EPS8L1: variants seen among roughly 807,000 people sequenced by gnomAD.
EPS8L1 encodes epidermal growth factor receptor kinase substrate 8-like protein 1.
A neutral mutation model predicts 91.7 loss-of-function variants in EPS8L1; 101 were observed. The observed-to-expected ratio is 1.10, with a 90% CI of 0.94 to 1.30. The LOEUF (loss-of-function observed/expected upper bound fraction) is 1.30. Ranked by LOEUF, EPS8L1 falls within the 50% of genes most tolerant of loss-of-function variation. EPS8L1 has a pLI of 0.00. For synonymous variants in EPS8L1, 506 were observed against 445.3 expected (o/e 1.14, Z -1.72); for missense variants, 1,114 against 1,017.0 (o/e 1.10, Z -1.30).
At position 55,081,279 on chromosome 19, in the gene EPS8L1, CCCGCCCCTGCAGCG is replaced by C; in HGVS notation, c.568_581del (p.Leu190ValfsTer33). ...GCGACCGCTCGCCCGCCGCTGAGAC[CCCGCCCCTGCAGCG>C]CCGCCCGTCAGTCCGCGCAGTGATC... On this transcript the variant is annotated frameshift_variant, in exon 8 of 20. Coordinates refer to ENST00000201647, the MANE Select transcript of EPS8L1 (RefSeq NM_133180.3). LOFTEE classifies it high-confidence loss of function. This position sits in a 1 kb window ranked among gnomAD's most constrained non-coding sequence, Gnocchi z 4.9. 1 of 1,542,456 alleles carries C rather than the reference CCCGCCCCTGCAGCG, an allele frequency of 6.5e-7. No individual in the cohort carries two copies. Among genetic ancestry groups the C allele is most frequent in the Non-Finnish European group, 8.7e-7 (1 of 1,152,972 alleles).
In EPS8L1 at chr19:55,087,331, G is replaced by C. The variant is rs577392527; in HGVS notation, c.1981G>C (p.Gly661Arg). Reference sequence around the variant, plus strand: ...CGTGGACGCGCTGGGTGTGCTGACCGGGGCGCAGCTTTTCTCGCTGCAGAA... The same window carrying C: ...CGTGGACGCGCTGGGTGTGCTGACCCGGGCGCAGCTTTTCTCGCTGCAGAA... The part of the protein sequence containing the change: ...GTVDALGVLT[G>R]AQLFSLQKEE... The change falls in exon 19 of 20, where the codon GGG (glycine) becomes CGG (arginine). Residue 661 changes from glycine to arginine, a missense_variant. Physicochemically the swap from Gly to Arg is moderately radical, Grantham distance 125. Transcript: ENST00000201647. 52 of 1,611,218 alleles carry C rather than the reference G, an allele frequency of 3.2e-5. No individual in the cohort carries two copies. Among genetic ancestry groups the C allele is most frequent in the Non-Finnish European group, 4.4e-5 (52 of 1,179,440 alleles).
intron 19 of EPS8L1, 40 bp downstream of exon 19, chr19:55,087,475 G>A (rs765251506): frequency 2.5e-6 from 4 of 1,614,158 alleles, no homozygotes; most frequent in Admixed American, 1.7e-5. Flanking sequence ...GGTAGGGTTG[G>A]GATGACGAGG....
At chr19:55,077,043 A>G (rs1627029) in intron 2 of EPS8L1, among the ~76,000 whole-genome samples, 93,508 of 152,034 alleles carry the variant, frequency 0.62, 29,518 homozygotes, top group African/African-American at 0.76. Context: ...TGGCAGGAGC[A>G]GGATGAGGAA....
At position 55,087,762 on chromosome 19, in the gene EPS8L1, G is replaced by T; in HGVS notation, c.*148G>T. On this transcript the variant is annotated 3_prime_UTR_variant, in exon 20 of 20. Transcript: ENST00000201647. ...CCCCATCCCGGTGGACAGACTTAAC[G>T]ATCCTTGCTGCAGTCCCTCCGGAGA... 5.0e-6 allele frequency: 4 copies of T among 804,712 alleles called. No individual in the cohort carries two copies. In the South Asian group the frequency reaches 6.5e-5, roughly 13 times the overall value. The allele number at this position is 804,712 out of a possible 1,614,324, so 49.8% of individuals were successfully genotyped here.
At chr19:55,077,981 A>G (rs2076165570) in intron 2 of EPS8L1, 107 bp from the exon 3 acceptor site, 1 of 641,028 alleles carries the variant, frequency 1.6e-6, no homozygotes, top group Non-Finnish European at 2.6e-6. Flanking sequence ...TAACCCTTCC[A>G]TCGCTCCCCA....
chr19:55,086,958 G>A (rs2076359471), intron 18 of EPS8L1, 70 bp downstream of exon 18: 2 of 1,396,780 alleles, frequency 1.4e-6, no homozygotes, highest in South Asian at 1.6e-5. Context: ...CCGATCGGCC[G>A]GGAGTCGGGG....
chr19:55,086,048 T>C lies in EPS8L1; in HGVS notation c.1519-13T>C, dbSNP rs2076348853. 1.3e-6 allele frequency: 2 copies of C among 1,595,730 alleles called. No homozygotes were observed. The highest frequency in any genetic ancestry group is 1.7e-6 in the Non-Finnish European group (2 of 1,167,712). On this transcript the variant is annotated splice_polypyrimidine_tract_variant and intron_variant, in intron 15 of 19. Transcript: ENST00000201647. The stretch of plus-strand genomic sequence containing the variant: ...AGACAGGCTCTGAACCCTCTGTTCT[T>C]TACCACACCCAGGTCCTGGATGACA...
rs560934499 is a variant in EPS8L1 at position 55,082,313 on chromosome 19, G to A, written c.1029G>A (p.Pro343=). 34 of 1,612,486 alleles carry A rather than the reference G, an allele frequency of 2.1e-5. No homozygotes were observed. Among genetic ancestry groups the A allele is most frequent in the South Asian group, 1.2e-4 (11 of 91,068 alleles). ...LRGNIADPSS[P]ELLHFLFGPL... ...GCAACATCGCCGACCCCTCCTCTCCGGAGCTGTTGCACTTCCTTTTCGGGC... is the reference window on the plus strand; with the variant it reads ...GCAACATCGCCGACCCCTCCTCTCCAGAGCTGTTGCACTTCCTTTTCGGGC... The change falls in exon 11 of 20, where the codon CCG becomes CCA. Residue 343 remains proline (P), a synonymous_variant. Transcript: ENST00000201647.
At chr19:55,078,222 G>A in intron 3 of EPS8L1, 94 bp downstream of exon 3, 2 of 1,078,672 alleles carry the variant, frequency 1.9e-6, no homozygotes, top group African/African-American at 1.6e-5. Flanking sequence ...GGGGCTGGGG[G>A]TCTGGACTCC....
At chr19:55,079,459 C>T (rs2076206620) in intron 4 of EPS8L1, 4 of 601,942 alleles carry the variant, frequency 6.6e-6, no homozygotes, top group Middle Eastern at 4.3e-4. Context: ...TCCTTCCCTG[C>T]CCGCAAGGAG....
rs60399131 is a variant in EPS8L1 at position 55,082,405 on chromosome 19, C to T, written c.1066-49C>T. The T allele has an allele frequency of 6.5e-5, 105 of 1,612,228 alleles. No homozygotes were observed. The African/African-American group carries it at 1.3e-3, about 21-fold the overall frequency. On this transcript the variant is annotated intron_variant, in intron 11 of 19. Transcript: ENST00000201647. ...CTGCAGCGGGAGGAATCGGGTTCGA[C>T]TTGTAGAAGGTGTGGCGGCACAGCC... is the stretch of plus-strand genomic sequence containing the variant.
In EPS8L1 at chr19:55,081,671, T is replaced by C; in HGVS notation, c.775-102T>C. On this transcript the variant is annotated intron_variant, in intron 8 of 19. Coordinates refer to ENST00000201647, the MANE Select transcript of EPS8L1 (RefSeq NM_133180.3). This position sits in a 1 kb window ranked among gnomAD's most constrained non-coding sequence, Gnocchi z 4.9. ...GGGGCGTGGCCAGGTGTTTGGGGCG[T>C]GGCCTGATCTGGGGAAGTGTATAGG... is the stretch of plus-strand genomic sequence containing the variant. 6.7e-7 allele frequency: 1 copy of C among 1,498,752 alleles called. No individual in the cohort carries two copies. Among genetic ancestry groups the C allele is most frequent in the Non-Finnish European group, 8.9e-7 (1 of 1,120,848 alleles). The allele number at this position is 1,498,752 out of a possible 1,614,324, so 92.8% of individuals were successfully genotyped here.
chr19:55,081,951 T>C lies in EPS8L1; in HGVS notation c.901+52T>C. 2 of 1,580,214 alleles carry C rather than the reference T, an allele frequency of 1.3e-6. No homozygotes were observed. The highest frequency in any genetic ancestry group is 1.1e-5 in the South Asian group (1 of 88,018). ...GAACCCCCTCCCGATCTCTTCCAAA[T>C]GTCCCCGCTCTCCCCAGGCTCTCCC... On this transcript the variant is annotated intron_variant, in intron 9 of 19. Transcript: ENST00000201647. The surrounding 1 kb of genome is among the most constrained non-coding windows in gnomAD (Gnocchi z 4.9).
chr19:55,086,716 A>G lies in EPS8L1; in HGVS notation c.1780A>G (p.Lys594Glu), dbSNP rs2076356365. Reference sequence around the variant, plus strand: ...ACCTCCCGGTTTCCCGCCTGCAGAGAAATTCTCCCAGATGCTCATCGTCAA... The same window carrying G: ...ACCTCCCGGTTTCCCGCCTGCAGAGGAATTCTCCCAGATGCTCATCGTCAA... ...LNGLDPSEKE[K>E]FSQMLIVNEE... Residue 594 changes from lysine to glutamate, a missense_variant and splice_region_variant, in exon 18 of 20, where the codon AAA becomes GAA. Physicochemically the swap from Lys to Glu is moderately conservative, Grantham distance 56 (BLOSUM62 1). Transcript: ENST00000201647. The G allele has an allele frequency of 1.3e-6, 2 of 1,582,864 alleles. No homozygotes were observed. Among genetic ancestry groups the G allele is most frequent in the African/African-American group, 2.7e-5 (2 of 73,754 alleles).
chr19:55,081,609 T>A lies in EPS8L1; in HGVS notation c.774+117T>A. On this transcript the variant is annotated intron_variant, in intron 8 of 19. Coordinates refer to ENST00000201647, the MANE Select transcript of EPS8L1 (RefSeq NM_133180.3). The surrounding 1 kb of genome is among the most constrained non-coding windows in gnomAD (Gnocchi z 4.9). ...GTTCTCTGGTCAGACTTCTGCGTTA[T>A]GGAAGAGGGGCTGGGTCGGGGGCGG... 1 of 495,866 alleles carries A rather than the reference T, an allele frequency of 2.0e-6. No homozygotes were observed. Among genetic ancestry groups the A allele is most frequent in the Middle Eastern group, 8.0e-4 (1 of 1,248 alleles). 30.7% of individuals were successfully genotyped at this position (495,866 alleles called of 1,614,324 possible).
Position 55,082,187 on chromosome 19 carries a change from A to G in EPS8L1, c.990+7A>G. ...GTACGCCTTCAGCCTGCTGGTGAGG[A>G]CGCGCCCGCCCCTGGGCCGGGGCGC... On this transcript the variant is annotated splice_region_variant and intron_variant, in intron 10 of 19. Transcript: ENST00000201647. 1 of 1,590,152 alleles carries G rather than the reference A, an allele frequency of 6.3e-7. No individual in the cohort carries two copies. The highest frequency in any genetic ancestry group is 8.6e-7 in the Non-Finnish European group (1 of 1,168,236).
intron 4 of EPS8L1, chr19:55,079,444 C>T: frequency 1.7e-6 from 1 of 596,552 alleles, no homozygotes; most frequent in Non-Finnish European, 2.9e-6. Flanking sequence ...AGCTATAATC[C>T]AGACTCCTTC....
chr19:55,087,800 G>A lies in EPS8L1; in HGVS notation c.*186G>A, dbSNP rs138405407. 4.7e-4 allele frequency: 311 copies of A among 656,962 alleles called. No homozygotes were observed. The African/African-American group carries it at 4.8e-3, about 10-fold the overall frequency. 40.7% of individuals were successfully genotyped at this position (656,962 alleles called of 1,614,324 possible). A position where few individuals can be genotyped will look rare whatever the true frequency, so the allele number is the denominator to read the frequency against. ...GTCCCTCCGGAGAGGATCTGGACTG[G>A]CTGGGAGTGGGGAGGGCGTGGAGAC... On this transcript the variant is annotated 3_prime_UTR_variant, in exon 20 of 20. Transcript: ENST00000201647.
rs1012906228 is a variant in EPS8L1 at position 55,080,378 on chromosome 19, G to A, written c.429+100G>A. The stretch of plus-strand genomic sequence containing the variant: ...GCCTCTAGGTGGGGCGGGGCCTGGG[G>A]CTAAGGCGGGATCAGAGCAAGGAAG... On this transcript the variant is annotated intron_variant, in intron 6 of 19. Transcript: ENST00000201647. 5 of 1,553,494 alleles carry A rather than the reference G, an allele frequency of 3.2e-6. No individual in the cohort carries two copies. The African/African-American group carries it at 6.8e-5, about 21-fold the overall frequency.
Sources: allele counts gnomAD v4.1 joint callset (sites outside exome capture counted in the v4.1 genomes callset), GRCh38; gene constraint gnomAD v4.1.1; non-coding constraint Gnocchi (gnomAD v3.1); transcripts MANE v1.5; gene names NCBI Gene and HGNC (gene_info 2026-07-23, HGNC 2026-07-21).